The following CPS1 variants were observed in gnomAD, a reference collection of about 807,000 sequenced individuals.
CPS1 encodes carbamoyl-phosphate synthase 1.
In CPS1, 109 loss-of-function variants were observed where a neutral mutation model predicts 174.6. The observed-to-expected ratio is 0.62, with a 90% CI of 0.53 to 0.73. CPS1 has a LOEUF of 0.73. CPS1 is among the 30% of genes least tolerant of loss of function. The probability of loss-of-function intolerance (pLI) is 0.00; values close to 1 mark genes in which losing one functional copy is unlikely to be tolerated. For synonymous variants in CPS1, 637 were observed against 632.0 expected (o/e 1.01, Z -0.12); for missense variants, 1,689 against 1,821.9 (o/e 0.93, Z 1.33).
intron 1 of CPS1, among the ~76,000 whole-genome samples, chr2:210,569,420 A>G (rs746651261): frequency 2.0e-5 from 3 of 151,984 alleles, no homozygotes; most frequent in Non-Finnish European, 2.9e-5. Flanking sequence ...TTTAATTTTT[A>G]TTGCTTAAAA....
intron 1 of CPS1, among the ~76,000 whole-genome samples, chr2:210,536,414 G>A (rs1018334569): frequency 5.4e-5 from 8 of 149,280 alleles, no homozygotes; most frequent in African/African-American, 1.0e-4. Flanking sequence ...TCCGCCTCCC[G>A]GGTTCACGCC....
chr2:210,588,877 G>T (rs1698195421), intron 7 of CPS1, among the ~76,000 whole-genome samples: 1 of 152,036 alleles, frequency 6.6e-6, no homozygotes, highest in South Asian at 2.1e-4. Context: ...ACAAACATTT[G>T]CATGGATAGC....
At chr2:210,518,331 T>G (rs1324839626) in intron 1 of CPS1, among the ~76,000 whole-genome samples, 1 of 152,044 alleles carries the variant, frequency 6.6e-6, no homozygotes, top group Non-Finnish European at 1.5e-5. Context: ...ATATCTGTTC[T>G]CTTCCTTTTC....
At chr2:210,573,203 C>T (rs1271114192) in intron 1 of CPS1, 95 bp from the exon 2 acceptor site, 2 of 1,061,926 alleles carry the variant, frequency 1.9e-6, no homozygotes, top group African/African-American at 1.6e-5. Context: ...ATATACTGTG[C>T]CTTTATTTAA....
intron 21 of CPS1, among the ~76,000 whole-genome samples, chr2:210,627,168 C>G (rs1314696691): frequency 1.3e-5 from 2 of 152,102 alleles, no homozygotes; most frequent in Non-Finnish European, 2.9e-5. Flanking sequence ...GGAATTTGCC[C>G]TTTTCCAAAA....
chr2:210,510,320 G>T (rs1490930005), intron 1 of CPS1, among the ~76,000 whole-genome samples: 1 of 152,142 alleles, frequency 6.6e-6, no homozygotes, highest in Non-Finnish European at 1.5e-5. Context: ...AAACTGGCTA[G>T]CCATATGTAG....
intron 21 of CPS1, among the ~76,000 whole-genome samples, chr2:210,628,396 C>A (rs1284229245): frequency 6.6e-6 from 1 of 152,152 alleles, no homozygotes; most frequent in Non-Finnish European, 1.5e-5. Context: ...TTTCCCACAT[C>A]CTCCTAAAAA....
chr2:210,605,216 GA>G lies in CPS1; in HGVS notation c.1955del (p.Asn652MetfsTer29). On this transcript the variant is annotated frameshift_variant, in exon 17 of 38. Transcript: ENST00000233072. LOFTEE classifies it high-confidence loss of function. ...DDNCVTVCNM[E>X]NVDAMGVHTG... The stretch of plus-strand genomic sequence containing the variant: ...CAATTGTGTCACTGTCTGTAACATG[GA>G]AAATGTTGATGCCATGGGTGTTCAC... The G allele has an allele frequency of 6.2e-7, 1 of 1,612,162 alleles. No individual in the cohort carries two copies.
intron 25 of CPS1, among the ~76,000 whole-genome samples, chr2:210,647,495 G>A (rs1700416657): frequency 6.6e-6 from 1 of 152,138 alleles, no homozygotes; most frequent in Admixed American, 6.5e-5. Flanking sequence ...ACAGGAGAAG[G>A]GAGTGTTAAA....
chr2:210,593,003 A>G (rs746888901), intron 11 of CPS1, 47 bp downstream of exon 11: 1 of 1,535,032 alleles, frequency 6.5e-7, no homozygotes, highest in South Asian at 1.1e-5. Flanking sequence ...AAAAAAATGT[A>G]TTTGTGTGGA....
chr2:210,639,603 A>C (rs1275464196), intron 23 of CPS1, among the ~76,000 whole-genome samples: 1 of 122,982 alleles, frequency 8.1e-6, no homozygotes, highest in Non-Finnish European at 1.6e-5. Context: ...TGGGCGACAG[A>C]GCGAGACTCC....
rs1695560575 is a variant in CPS1 at position 210,512,987 on chromosome 2, G to GTT, written c.3+35221_3+35222insTT. On this transcript the variant is annotated intron_variant, in intron 1 of 38. Transcript: ENST00000430249. ...ATATGGAGATATATATATATGGAGA[G>GTT]ATATATATATGGAGATATATATATA... is the stretch of plus-strand genomic sequence containing the variant. 1.6e-4 allele frequency among the ~76,000 whole-genome samples: 2 copies of GTT among 12,358 alleles called. 1 individual carries two copies. Among genetic ancestry groups the GTT allele is most frequent in the African/African-American group, 2.5e-4 (2 of 7,920 alleles). The allele number at this position is 12,358 out of a possible 152,430, so 8.1% of individuals were successfully genotyped here.
In CPS1 at chr2:210,658,616, G is replaced by A; in HGVS notation, c.3684G>A (p.Arg1228=). The A allele has an allele frequency of 6.2e-7, 1 of 1,613,886 alleles. No homozygotes were observed. Among genetic ancestry groups the A allele is most frequent in the Non-Finnish European group, 8.5e-7 (1 of 1,179,822 alleles). Residue 1228 remains arginine, a synonymous_variant, in exon 31 of 38, where the codon CGG becomes CGA. Transcript: ENST00000233072. ...TAATTCAGGTGAAGGATGCTACCCG[G>A]AAGATTGCAAAGGCTTTTGCCATCT... is the stretch of plus-strand genomic sequence containing the variant. ...GAIEKVKDAT[R]KIAKAFAISG...
chr2:210,512,330 A>T (rs114049608), intron 1 of CPS1, among the ~76,000 whole-genome samples: 178 of 151,714 alleles, frequency 1.2e-3, no homozygotes, highest in Non-Finnish European at 2.0e-3. Flanking sequence ...AGTACCCAAC[A>T]ATTTTCCAAT....
intron 21 of CPS1, among the ~76,000 whole-genome samples, chr2:210,635,755 G>A (rs1700026269): frequency 6.6e-6 from 1 of 152,098 alleles, no homozygotes; most frequent in South Asian, 2.1e-4. Flanking sequence ...AAATACTTGG[G>A]AAAACTAAAT....
intron 7 of CPS1, among the ~76,000 whole-genome samples, chr2:210,589,528 C>A (rs1559091838): frequency 6.6e-6 from 1 of 152,018 alleles, no homozygotes; most frequent in Admixed American, 6.6e-5. Context: ...CTTTTTGCAA[C>A]TGGTCGTGTG....
At chr2:210,623,196 G>A (rs1018092238) in intron 21 of CPS1, among the ~76,000 whole-genome samples, 8 of 151,912 alleles carry the variant, frequency 5.3e-5, no homozygotes, top group Non-Finnish European at 8.8e-5. Flanking sequence ...GTACAATGCC[G>A]CTATTTATGT....
intron 1 of CPS1, among the ~76,000 whole-genome samples, chr2:210,532,210 T>C (rs1475191697): frequency 6.6e-6 from 1 of 151,992 alleles, no homozygotes; most frequent in East Asian, 1.9e-4. Context: ...TTTTGGAGGG[T>C]TATTAGAGAG....
intron 9 of CPS1, among the ~76,000 whole-genome samples, chr2:210,591,380 A>G (rs895834891): frequency 5.9e-5 from 9 of 151,968 alleles, no homozygotes; most frequent in African/African-American, 2.2e-4. Flanking sequence ...AACAATATTA[A>G]TTTATTAAAC....
Sources: allele counts gnomAD v4.1 joint callset (sites outside exome capture counted in the v4.1 genomes callset), GRCh38; gene constraint gnomAD v4.1.1; transcripts MANE v1.5; gene names NCBI Gene and HGNC (gene_info 2026-07-23, HGNC 2026-07-21).